Variants in PKP1 observed in about 807,000 individuals in gnomAD.
PKP1 encodes the protein plakophilin-1.
PKP1 carries 27 observed loss-of-function variants against 76.4 expected under a neutral mutation model. The ratio of observed to expected loss-of-function variants is 0.35; its 90% CI spans 0.26 to 0.49. The LOEUF (loss-of-function observed/expected upper bound fraction) is 0.49. PKP1 is among the 20% of genes least tolerant of loss of function. The probability of loss-of-function intolerance (pLI) is 0.99; values close to 1 mark genes in which losing one functional copy is unlikely to be tolerated. For synonymous variants in PKP1, 404 were observed against 384.2 expected, an observed-to-expected ratio of 1.05 and a Z score of -0.60; for missense variants, 964 against 955.2, an observed-to-expected ratio of 1.01 and a Z score of -0.12.
Position 201,292,662 on chromosome 1 carries a change from A to G in PKP1, c.203-1280A>G, listed in dbSNP as rs535645302. Among the ~76,000 whole-genome samples, 19 of 152,190 alleles carry G rather than the reference A, an allele frequency of 1.2e-4. No homozygotes were observed. The East Asian group carries it at 3.7e-3, about 29-fold the overall frequency. ...TAAGTGGGTGTGGCAGATGGGGAGG[A>G]GCTACCTTGGCTGGGTGAGATCACT... On this transcript the variant is annotated intron_variant, in intron 1 of 13. Coordinates refer to ENST00000367324, the MANE Select transcript of PKP1 (RefSeq NM_001005337.3).
intron 12 of PKP1, among the ~76,000 whole-genome samples, chr1:201,327,373 C>A (rs531749094): frequency 1.1e-4 from 16 of 152,158 alleles, no homozygotes; most frequent in Non-Finnish European, 1.8e-4. Context: ...GACTCATGAA[C>A]GCACGGTGTC....
At chr1:201,283,973 A>G (rs1655650995) in intron 1 of PKP1, 69 bp downstream of exon 1, 2 of 1,412,634 alleles carry the variant, frequency 1.4e-6, no homozygotes, top group South Asian at 1.2e-5. Context: ...GGCGGGGACC[A>G]AGAGACGCAC....
intron 12 of PKP1, among the ~76,000 whole-genome samples, chr1:201,327,232 G>T (rs1657154415): frequency 6.6e-6 from 1 of 152,242 alleles, no homozygotes; most frequent in African/African-American, 2.4e-5. Flanking sequence ...TCTCTGTCAT[G>T]GGAGGAGAGG....
intron 1 of PKP1, among the ~76,000 whole-genome samples, chr1:201,291,576 A>T (rs1655918600): frequency 1.3e-5 from 2 of 152,214 alleles, no homozygotes; most frequent in Non-Finnish European, 1.5e-5. Flanking sequence ...AAGACGGGCA[A>T]GAAGGCCCTG....
In PKP1 at chr1:201,317,655, C is replaced by T. The variant is rs756548415; in HGVS notation, c.930C>T (p.Ala310=). 8.7e-6 allele frequency: 14 copies of T among 1,613,912 alleles called. No homozygotes were observed. Among genetic ancestry groups the T allele is most frequent in the African/African-American group, 6.7e-5 (5 of 74,916 alleles). ...NQNVQQAAAG[A]LRNLVFRSTT... ...ACGTCCAGCAGGCCGCGGCAGGGGC[C>T]CTGCGCAACCTGGTGTTCAGGAGCA... The change falls in exon 5 of 14, where the codon GCC becomes GCT. Residue 310 remains alanine, a synonymous_variant. Transcript: ENST00000367324.
chr1:201,323,255 C>T (rs1571562834), intron 9 of PKP1, 66 bp downstream of exon 9: 2 of 1,461,038 alleles, frequency 1.4e-6, no homozygotes, highest in Non-Finnish European at 1.9e-6. Flanking sequence ...AGCCTCTGCT[C>T]CCTCCTTTTC....
chr1:201,311,772 G>T (rs1447249427), intron 2 of PKP1, among the ~76,000 whole-genome samples: 1 of 152,252 alleles, frequency 6.6e-6, no homozygotes, highest in African/African-American at 2.4e-5. Flanking sequence ...CAGCAAAGGT[G>T]AGTCCCAAGT....
At chr1:201,321,887 C>T in intron 7 of PKP1, 91 bp from the exon 8 acceptor site, 1 of 1,478,268 alleles carries the variant, frequency 6.8e-7, no homozygotes, top group South Asian at 1.1e-5. Flanking sequence ...GCCCAGGTGC[C>T]TCTGCTCTCT....
chr1:201,289,355 C>T (rs1027898650), intron 1 of PKP1, among the ~76,000 whole-genome samples: 7 of 152,194 alleles, frequency 4.6e-5, no homozygotes, highest in African/African-American at 1.4e-4. Context: ...CTTTCTCAAG[C>T]TTTTCATGCT....
chr1:201,316,341 A>C, intron 3 of PKP1: 1 of 584,086 alleles, frequency 1.7e-6, no homozygotes, highest in Non-Finnish European at 3.1e-6. Flanking sequence ...CTATTCTCAC[A>C]TGGGGCAAAT....
At chr1:201,308,465 C>T (rs1466732961) in intron 2 of PKP1, among the ~76,000 whole-genome samples, 1 of 152,234 alleles carries the variant, frequency 6.6e-6, no homozygotes, top group East Asian at 1.9e-4. Flanking sequence ...AGAAAACAAA[C>T]AAGACCAGAG....
chr1:201,321,881 A>G, intron 7 of PKP1, 97 bp from the exon 8 acceptor site: 1 of 1,405,684 alleles, frequency 7.1e-7, no homozygotes, highest in South Asian at 1.2e-5. Flanking sequence ...GATGCAGCCC[A>G]GGTGCCTCTG....
intron 1 of PKP1, among the ~76,000 whole-genome samples, chr1:201,287,483 T>C (rs973821063): frequency 7.2e-5 from 11 of 152,216 alleles, no homozygotes; most frequent in African/African-American, 2.7e-4. Flanking sequence ...ACTTCTGGGG[T>C]TGTTTTCTTG....
rs1038895997 is a variant in PKP1, at chr1:201,332,408, C to T, written c.*2367C>T. 6 of 152,280 alleles carry T rather than the reference C, an allele frequency of 3.9e-5. No individual in the cohort carries two copies. The highest frequency in any genetic ancestry group is 5.9e-5 in the Non-Finnish European group (4 of 68,068). 9.4% of individuals were successfully genotyped at this position (152,280 alleles called of 1,614,324 possible). On this transcript the variant is annotated 3_prime_UTR_variant, in exon 14 of 14. Coordinates refer to ENST00000367324, the MANE Select transcript of PKP1 (RefSeq NM_001005337.3). Reference sequence around the variant, plus strand: ...TCAGGCCAGCTCAGGTCACCCGGGCCTCTGACCCAGGCCTGTCACTTTGAG... The same window carrying T: ...TCAGGCCAGCTCAGGTCACCCGGGCTTCTGACCCAGGCCTGTCACTTTGAG...
At chr1:201,284,156 C>T (rs1334133946) in intron 1 of PKP1, among the ~76,000 whole-genome samples, 2 of 152,158 alleles carry the variant, frequency 1.3e-5, no homozygotes, top group Non-Finnish European at 2.9e-5. Flanking sequence ...ATGGGTGATT[C>T]ACCGGGACAC....
intron 3 of PKP1, 35 bp downstream of exon 3, chr1:201,313,595 G>C: frequency 6.3e-7 from 1 of 1,597,890 alleles, no homozygotes; most frequent in African/African-American, 1.3e-5. Flanking sequence ...GGAGCCAGGA[G>C]GGCCAGTGGG....
chr1:201,295,304 T>C (rs1656040522), intron 2 of PKP1, among the ~76,000 whole-genome samples: 1 of 152,218 alleles, frequency 6.6e-6, no homozygotes, highest in South Asian at 2.1e-4. Flanking sequence ...TCTTACATAT[T>C]ACAGCTTGGG....
At chr1:201,306,238 G>C (rs1210496688) in intron 2 of PKP1, among the ~76,000 whole-genome samples, 1 of 152,256 alleles carries the variant, frequency 6.6e-6, no homozygotes, top group African/African-American at 2.4e-5. Context: ...GCAGTAAATA[G>C]GCAAGGAGCA....
intron 9 of PKP1, among the ~76,000 whole-genome samples, chr1:201,323,681 C>T (rs574242304): frequency 1.3e-5 from 2 of 152,148 alleles, no homozygotes; most frequent in Non-Finnish European, 2.9e-5. Context: ...AAACCTGTTG[C>T]AATCAAGAAG....
Sources: gnomAD v4.1 joint callset for allele counts (sites outside exome capture counted in the v4.1 genomes callset) on GRCh38, gnomAD v4.1.1 for gene constraint, MANE v1.5 for transcripts, NCBI Gene and HGNC (gene_info 2026-07-23, HGNC 2026-07-21) for gene names.